Variants in PRUNE2 observed in about 807,000 individuals in gnomAD.
PRUNE2 encodes the protein protein prune homolog 2.
Under a neutral mutation model 252.0 loss-of-function variants are expected in PRUNE2, and 164 were observed. The observed-to-expected ratio is 0.65, with a 90% CI of 0.57 to 0.74. PRUNE2 has a LOEUF of 0.74. Ranked by LOEUF, PRUNE2 falls within the 30% of genes least tolerant of loss-of-function variation. PRUNE2 has a pLI of 0.00. For missense variants in PRUNE2, 3,495 were observed against 3,711.0 expected (o/e 0.94, Z 1.51); for synonymous variants, 1,292 against 1,350.2 (o/e 0.96, Z 0.94).
chr9:76,810,567 T>C (rs7863838), intron 6 of PRUNE2, among the ~76,000 whole-genome samples: 62,847 of 152,026 alleles, frequency 0.41, 13,108 homozygotes, highest in Middle Eastern at 0.51. Context: ...CCTGTAATAA[T>C]CCACTCTTCT....
chr9:76,620,968 C>T (rs1052418406), intron 17 of PRUNE2, among the ~76,000 whole-genome samples: 8 of 152,138 alleles, frequency 5.3e-5, no homozygotes, highest in African/African-American at 1.9e-4. Context: ...TACTTTCTTT[C>T]CTGTATACAG....
At chr9:76,839,078 A>T (rs539224445) in intron 4 of PRUNE2, among the ~76,000 whole-genome samples, 4 of 152,144 alleles carry the variant, frequency 2.6e-5, no homozygotes, top group Non-Finnish European at 2.9e-5. Flanking sequence ...GTTTTTTTTT[A>T]AACTAGAAGG....
chr9:76,866,997 C>A, intron 1 of PRUNE2, among the ~76,000 whole-genome samples: 1 of 152,156 alleles, frequency 6.6e-6, no homozygotes, highest in Non-Finnish European at 1.5e-5. Context: ...AGCACTCAGA[C>A]TTGTGCCTGG....
At chr9:76,700,109 T>A (rs1394199834) in intron 9 of PRUNE2, 1 of 152,222 alleles carries the variant, frequency 6.6e-6, no homozygotes, top group East Asian at 1.9e-4. Context: ...ACAAGTTTTG[T>A]TAACAAGAGT....
chr9:76,874,029 G>A (rs1229294949), intron 1 of PRUNE2, among the ~76,000 whole-genome samples: 1 of 152,174 alleles, frequency 6.6e-6, no homozygotes, highest in Non-Finnish European at 1.5e-5. Flanking sequence ...TGCTTGCTCA[G>A]TACATCTCTT....
At chr9:76,757,552 T>C (rs189102595) in intron 6 of PRUNE2, among the ~76,000 whole-genome samples, 1 of 152,302 alleles carries the variant, frequency 6.6e-6, no homozygotes, top group Non-Finnish European at 1.5e-5. Flanking sequence ...TATTAGAGAA[T>C]GCCAATAAAT....
intron 6 of PRUNE2, among the ~76,000 whole-genome samples, chr9:76,771,014 T>TAA (rs1399500470): frequency 6.6e-6 from 1 of 152,118 alleles, no homozygotes; most frequent in Non-Finnish European, 1.5e-5. Flanking sequence ...CAAATTACCA[T>TAA]AAATAGCAAG....
At chr9:76,847,329 GAAA>G (rs767360854) in intron 3 of PRUNE2, among the ~76,000 whole-genome samples, 1 of 128,754 alleles carries the variant, frequency 7.8e-6, no homozygotes. Flanking sequence ...CTGTCTCAGG[GAAA>G]AAAAAAAAAA....
At chr9:76,640,505 G>A (rs1842115575) in intron 12 of PRUNE2, among the ~76,000 whole-genome samples, 1 of 152,176 alleles carries the variant, frequency 6.6e-6, no homozygotes, top group African/African-American at 2.4e-5. Flanking sequence ...TGCTACCTAT[G>A]TAAGTATTCA....
At chr9:76,811,794 A>G (rs2057372636) in intron 6 of PRUNE2, among the ~76,000 whole-genome samples, 1 of 152,232 alleles carries the variant, frequency 6.6e-6, no homozygotes, top group Non-Finnish European at 1.5e-5. Context: ...GAGGTGCCAG[A>G]AATACCCAAT....
intron 6 of PRUNE2, among the ~76,000 whole-genome samples, chr9:76,796,123 T>G (rs17181444): frequency 0.092 from 14,064 of 152,250 alleles, 1,254 homozygotes; most frequent in African/African-American, 0.22. Context: ...ACAAAAGATA[T>G]ATGATCACTC....
chr9:76,690,625 G>C (rs1414447800), intron 9 of PRUNE2, among the ~76,000 whole-genome samples: 4 of 152,178 alleles, frequency 2.6e-5, no homozygotes, highest in Non-Finnish European at 4.4e-5. Flanking sequence ...GTACCAAAGA[G>C]AGCACTAACC....
At chr9:76,844,260 CA>C (rs2059552594) in intron 4 of PRUNE2, among the ~76,000 whole-genome samples, 1 of 152,124 alleles carries the variant, frequency 6.6e-6, no homozygotes, top group African/African-American at 2.4e-5. Flanking sequence ...GTGTTTGAGT[CA>C]GGGGGGCCAA....
Position 76,637,545 on chromosome 9 carries a change from C to G in PRUNE2, c.8836G>C (p.Val2946Leu), listed in dbSNP as rs1474089071. The G allele has an allele frequency of 3.1e-6, 5 of 1,610,484 alleles. No individual in the cohort carries two copies. In the East Asian group the frequency reaches 1.1e-4, roughly 36 times the overall value. Residue 2946 changes from valine (V) to leucine (L), a missense_variant, in exon 14 of 19, where the codon GTA becomes CTA. Val to Leu is a conservative substitution (Grantham distance 32). Transcript: ENST00000376718. ...ACCATCAACTCTAAAGTACTTATTA[C>G]ATATCTGATCACAGGAAGGAAGAGG... ...HYVMENLFLY[V>L]ISTLELMVAE... is the part of the protein sequence containing the mutation.
chr9:76,619,426 C>T, intron 17 of PRUNE2, 39 bp from the exon 18 acceptor site: 1 of 1,415,584 alleles, frequency 7.1e-7, no homozygotes, highest in Non-Finnish European at 9.9e-7. Flanking sequence ...TCAACATTTC[C>T]CCACTGTCAC....
At chr9:76,656,817 A>G (rs1849425980) in intron 9 of PRUNE2, among the ~76,000 whole-genome samples, 2 of 152,288 alleles carry the variant, frequency 1.3e-5, no homozygotes, top group Middle Eastern at 6.8e-3. Context: ...TCAAAAGCTC[A>G]GCATCAGGGA....
intron 6 of PRUNE2, among the ~76,000 whole-genome samples, chr9:76,736,281 T>G (rs2049067473): frequency 1.3e-5 from 2 of 152,232 alleles, no homozygotes; most frequent in Non-Finnish European, 2.9e-5. Flanking sequence ...CCACATAAAG[T>G]AAAATCAGGC....
At chr9:76,836,472 G>A (rs1044594357) in intron 4 of PRUNE2, among the ~76,000 whole-genome samples, 1 of 151,532 alleles carries the variant, frequency 6.6e-6, no homozygotes, top group Admixed American at 6.6e-5. Flanking sequence ...AAAATAGGTG[G>A]GCAAGGAAGG....
chr9:76,776,869 T>C (rs1314631368), intron 6 of PRUNE2, among the ~76,000 whole-genome samples: 1 of 146,082 alleles, frequency 6.8e-6, no homozygotes, highest in Non-Finnish European at 1.5e-5. Flanking sequence ...TTCTCTTGAG[T>C]TTCTTTCTCA....
Sources: allele counts gnomAD v4.1 joint callset (sites outside exome capture counted in the v4.1 genomes callset), GRCh38; gene constraint gnomAD v4.1.1; transcripts MANE v1.5; gene names NCBI Gene and HGNC (gene_info 2026-07-23, HGNC 2026-07-21).